NAV1: variants seen among roughly 807,000 people sequenced by gnomAD.
The protein encoded by NAV1 is neuron navigator 1.
NAV1 carries 18 observed loss-of-function variants against 175.2 expected under a neutral mutation model. That is an observed-to-expected ratio of 0.10 (90% CI 0.07 to 0.15). The LOEUF is 0.15. Among genes scored for constraint, NAV1 ranks in the 10% least tolerant of loss-of-function variants. NAV1 has a pLI of 1.00. For synonymous variants in NAV1, 897 were observed against 978.7 expected (o/e 0.92, Z 1.56); for missense variants, 1,731 against 2,436.6 (o/e 0.71, Z 6.10).
At chr1:201,589,295 T>C (rs1356718486) in intron 2 of NAV1, among the ~76,000 whole-genome samples, 1 of 152,120 alleles carries the variant, frequency 6.6e-6, no homozygotes, top group Non-Finnish European at 1.5e-5. Flanking sequence ...GAGTTAAAAA[T>C]AGAGAACGGT....
At chr1:201,767,051 C>T (rs1230381313) in intron 3 of NAV1, among the ~76,000 whole-genome samples, 2 of 151,692 alleles carry the variant, frequency 1.3e-5, no homozygotes, top group African/African-American at 4.8e-5. Flanking sequence ...CATCTCCTGA[C>T]CTTGTGATCC....
chr1:201,598,196 G>A (rs1667411428), intron 2 of NAV1, among the ~76,000 whole-genome samples: 1 of 152,362 alleles, frequency 6.6e-6, no homozygotes, highest in Non-Finnish European at 1.5e-5. Context: ...TCCTGGAAGG[G>A]ATGACGTCTG....
chr1:201,680,694 G>C (rs766584806), intron 1 of NAV1, among the ~76,000 whole-genome samples: 4 of 150,738 alleles, frequency 2.7e-5, no homozygotes, highest in Non-Finnish European at 3.0e-5. Context: ...AGATTTGGAG[G>C]GGACAGAACA....
intron 2 of NAV1, among the ~76,000 whole-genome samples, chr1:201,589,963 G>A (rs1330812710): frequency 1.3e-5 from 2 of 152,194 alleles, no homozygotes; most frequent in Non-Finnish European, 2.9e-5. Flanking sequence ...CACGATCTCA[G>A]CTCACTGCAA....
At chr1:201,577,237 CTG>C (rs1489630084) in intron 1 of NAV1, among the ~76,000 whole-genome samples, 1 of 152,190 alleles carries the variant, frequency 6.6e-6, no homozygotes, top group East Asian at 1.9e-4. Flanking sequence ...TTCTCCTACT[CTG>C]TATGTCTTTT....
In NAV1 at chr1:201,735,207, A is replaced by C. The variant is rs1459994865; in HGVS notation, c.1226+16452A>C. Among the ~76,000 whole-genome samples, 5 of 152,190 alleles carry C rather than the reference A, an allele frequency of 3.3e-5. No individual in the cohort carries two copies. The South Asian group carries it at 8.3e-4, about 25-fold the overall frequency. ...CCACACCAGGGAGGGAGTTGGCAAG[A>C]AGTGGTGCCATTGACTGGTAAAAAG... On this transcript the variant is annotated intron_variant, in intron 3 of 29. Coordinates refer to ENST00000367296, the Ensembl canonical transcript of NAV1.
intron 1 of NAV1, among the ~76,000 whole-genome samples, chr1:201,663,435 G>A (rs1288484648): frequency 6.6e-6 from 1 of 152,090 alleles, no homozygotes; most frequent in East Asian, 1.9e-4. Flanking sequence ...CTCATTTCTG[G>A]GCAGGGATGA....
exon 1 of NAV1, chr1:201,649,416 C>A: frequency 6.4e-7 from 1 of 1,557,276 alleles, no homozygotes. Context: ...GCTCTTCAGC[C>A]AGATGCTGGG....
chr1:201,600,060 G>A (rs977819629), intron 2 of NAV1, among the ~76,000 whole-genome samples: 1 of 152,186 alleles, frequency 6.6e-6, no homozygotes, highest in African/African-American at 2.4e-5. Context: ...TAAGCAAAGC[G>A]GCTCATCTGT....
At chr1:201,572,128 G>A (rs1666562529) in intron 1 of NAV1, among the ~76,000 whole-genome samples, 2 of 152,166 alleles carry the variant, frequency 1.3e-5, no homozygotes, top group South Asian at 2.1e-4. Flanking sequence ...CAGATTAAGG[G>A]AGAAGTTATG....
chr1:201,672,912 C>T (rs1451387992), intron 1 of NAV1, among the ~76,000 whole-genome samples: 4 of 152,174 alleles, frequency 2.6e-5, no homozygotes, highest in Non-Finnish European at 4.4e-5. Flanking sequence ...AGACTGATGG[C>T]GATGCCAGTG....
chr1:201,753,132 A>G (rs1233372988), intron 3 of NAV1, among the ~76,000 whole-genome samples: 1 of 152,194 alleles, frequency 6.6e-6, no homozygotes, highest in African/African-American at 2.4e-5. Flanking sequence ...TTCCCAAAGG[A>G]AACTTCTCTA....
upstream of NAV1, among the ~76,000 whole-genome samples, chr1:201,620,721 A>T (rs938449447): frequency 6.6e-6 from 1 of 152,026 alleles, no homozygotes; most frequent in African/African-American, 2.4e-5. Flanking sequence ...CGCCTGCCTC[A>T]GTCTCCCAAA....
At chr1:201,653,514 G>A (rs1669286512) in intron 1 of NAV1, among the ~76,000 whole-genome samples, 1 of 152,086 alleles carries the variant, frequency 6.6e-6, no homozygotes, top group Admixed American at 6.5e-5. Flanking sequence ...GGGAGGGGCA[G>A]TGCAAGGGGG....
intron 2 of NAV1, among the ~76,000 whole-genome samples, chr1:201,596,899 C>T (rs1175149905): frequency 6.6e-6 from 1 of 152,142 alleles, no homozygotes; most frequent in Non-Finnish European, 1.5e-5. Flanking sequence ...AATCTCGGCT[C>T]ACTGCAACCT....
At chr1:201,771,717 C>T (rs1197216207) in intron 3 of NAV1, among the ~76,000 whole-genome samples, 1 of 152,018 alleles carries the variant, frequency 6.6e-6, no homozygotes, top group Non-Finnish European at 1.5e-5. Context: ...AAAAATAAGA[C>T]TGAGGGAAAA....
At chr1:201,754,359 G>A (rs907567627) in intron 3 of NAV1, among the ~76,000 whole-genome samples, 10 of 152,290 alleles carry the variant, frequency 6.6e-5, no homozygotes, top group Middle Eastern at 3.4e-3. Flanking sequence ...GGATAAGCAG[G>A]AACAGAAAGA....
At chr1:201,639,741 C>T (rs745358892) in intron 2 of NAV1, among the ~76,000 whole-genome samples, 1 of 152,184 alleles carries the variant, frequency 6.6e-6, no homozygotes, top group African/African-American at 2.4e-5. Flanking sequence ...GACAAAGCCC[C>T]GAGAACCCTG....
chr1:201,642,918 C>T (rs542551122), intron 2 of NAV1, among the ~76,000 whole-genome samples: 4 of 151,876 alleles, frequency 2.6e-5, no homozygotes, highest in Admixed American at 1.3e-4. Flanking sequence ...TACAGGCGCC[C>T]ACCACCACAC....
Sources: gnomAD v4.1 joint callset for allele counts (sites outside exome capture counted in the v4.1 genomes callset) on GRCh38, gnomAD v4.1.1 for gene constraint, MANE v1.5 for transcripts, NCBI Gene and HGNC (gene_info 2026-07-23, HGNC 2026-07-21) for gene names.